The following RAB3GAP1 variants were observed in gnomAD, a reference collection of about 807,000 sequenced individuals.
RAB3GAP1 encodes RAB3 GTPase activating protein catalytic subunit 1.
RAB3GAP1 carries 86 observed loss-of-function variants against 130.7 expected under a neutral mutation model. The observed-to-expected ratio is 0.66, with a 90% CI of 0.55 to 0.79. The LOEUF is 0.79. Among genes scored for constraint, RAB3GAP1 ranks in the 30% least tolerant of loss-of-function variants. RAB3GAP1 has a pLI of 0.00. For synonymous variants in RAB3GAP1, 367 were observed against 401.7 expected (o/e 0.91, Z 1.03); for missense variants, 1,029 against 1,169.4 (o/e 0.88, Z 1.75).
intron 3 of RAB3GAP1, among the ~76,000 whole-genome samples, chr2:135,088,891 T>C (rs1278983116): frequency 1.3e-5 from 2 of 152,160 alleles, no homozygotes; most frequent in Non-Finnish European, 2.9e-5. Flanking sequence ...TTTCTTTTGC[T>C]GTGCAGAAGC....
rs554797582 is a variant in RAB3GAP1 at position 135,066,234 on chromosome 2, T to A, written c.150+8148T>A. On this transcript the variant is annotated intron_variant, in intron 3 of 23. Coordinates refer to ENST00000264158, the MANE Select transcript of RAB3GAP1 (RefSeq NM_012233.3). ...TGCATTTGGTCTCTCTCCAGAGCAT[T>A]GAAAAATGGTGTTTTTGTCCAGATT... is the stretch of plus-strand genomic sequence containing the variant. 9.0e-4 allele frequency among the ~76,000 whole-genome samples: 137 copies of A among 152,274 alleles called. 1 individual carries two copies. The highest frequency in any genetic ancestry group is 3.0e-3 in the African/African-American group (123 of 41,570).
chr2:135,162,418 T>C (rs1264694099), intron 19 of RAB3GAP1, 137 bp from the exon 20 acceptor site: 3 of 715,000 alleles, frequency 4.2e-6, no homozygotes, highest in Admixed American at 2.0e-5. Flanking sequence ...TCCTCACCTT[T>C]GGGGTCGTGG....
chr2:135,119,102 T>C (rs1218812061), intron 7 of RAB3GAP1, among the ~76,000 whole-genome samples: 1 of 137,532 alleles, frequency 7.3e-6, no homozygotes, highest in Admixed American at 7.2e-5. Flanking sequence ...CTCCCTTCCT[T>C]CCTTCCTTCT....
chr2:135,077,833 C>CTATGTTCT (rs1689673604), intron 3 of RAB3GAP1, among the ~76,000 whole-genome samples: 2 of 152,092 alleles, frequency 1.3e-5, no homozygotes, highest in Admixed American at 1.3e-4. Context: ...TTCTTATTGC[C>CTATGTTCT]TATTTGTCTA....
intron 3 of RAB3GAP1, among the ~76,000 whole-genome samples, chr2:135,069,814 T>G (rs1396955395): frequency 1.3e-5 from 2 of 152,194 alleles, no homozygotes; most frequent in Non-Finnish European, 2.9e-5. Flanking sequence ...TCCAGATTAT[T>G]AAACCCTTTT....
At chr2:135,146,921 T>G (rs1221510077) in intron 17 of RAB3GAP1, among the ~76,000 whole-genome samples, 1 of 151,838 alleles carries the variant, frequency 6.6e-6, no homozygotes, top group Non-Finnish European at 1.5e-5. Flanking sequence ...ATTTCTGAGG[T>G]GATGAATACA....
intron 8 of RAB3GAP1, among the ~76,000 whole-genome samples, chr2:135,121,400 A>C (rs1184732979): frequency 6.6e-6 from 1 of 152,220 alleles, no homozygotes; most frequent in Non-Finnish European, 1.5e-5. Context: ...TATGTTATAG[A>C]AATATAATCA....
At chr2:135,122,116 T>G (rs1392398404) in intron 8 of RAB3GAP1, among the ~76,000 whole-genome samples, 1 of 151,924 alleles carries the variant, frequency 6.6e-6, no homozygotes, top group African/African-American at 2.4e-5. Flanking sequence ...AAAAAATTAA[T>G]GTAATATATC....
At chr2:135,132,729 G>GA (rs1211821624) in intron 13 of RAB3GAP1, among the ~76,000 whole-genome samples, 166 bp from the exon 14 acceptor site, 1 of 152,028 alleles carries the variant, frequency 6.6e-6, no homozygotes, top group Admixed American at 6.5e-5. Flanking sequence ...AAGAAAAATA[G>GA]AAAAAATTTG....
chr2:135,126,327 A>T, intron 10 of RAB3GAP1, 78 bp downstream of exon 10: 8 of 1,152,438 alleles, frequency 6.9e-6, no homozygotes, highest in Non-Finnish European at 9.0e-6. Flanking sequence ...AGTAATTTTT[A>T]TATGCATTTT....
At chr2:135,124,096 A>G in intron 8 of RAB3GAP1, 69 bp from the exon 9 acceptor site, 1 of 1,452,120 alleles carries the variant, frequency 6.9e-7, no homozygotes, top group East Asian at 2.3e-5. Context: ...TGATATTCCA[A>G]AGGGCTTAAC....
chr2:135,115,586 G>A (rs942379300), intron 7 of RAB3GAP1, among the ~76,000 whole-genome samples: 2 of 152,122 alleles, frequency 1.3e-5, no homozygotes, highest in Non-Finnish European at 2.9e-5. Flanking sequence ...TCATGCTAAA[G>A]CAACAACTGA....
intron 3 of RAB3GAP1, among the ~76,000 whole-genome samples, chr2:135,085,094 G>A (rs991252816): frequency 6.6e-6 from 1 of 152,138 alleles, no homozygotes; most frequent in African/African-American, 2.4e-5. Flanking sequence ...AAGATGGAAG[G>A]TAGCTGTAGG....
rs372545632 is a variant in RAB3GAP1, at chr2:135,131,258, G to A, written c.1236+537G>A. On this transcript the variant is annotated intron_variant, in intron 13 of 23. Coordinates refer to ENST00000264158, the MANE Select transcript of RAB3GAP1 (RefSeq NM_012233.3). ...TTTATTTTTTTTGAGACGAAGTCTC[G>A]CTCTGTCACCCAGACTGGAGTGCAG... Among the ~76,000 whole-genome samples, 29 of 151,974 alleles carry A rather than the reference G, an allele frequency of 1.9e-4. No individual in the cohort carries two copies. In the East Asian group the frequency reaches 5.4e-3, roughly 28 times the overall value.
chr2:135,143,480 T>A (rs1223021840), intron 17 of RAB3GAP1, among the ~76,000 whole-genome samples: 1 of 152,122 alleles, frequency 6.6e-6, no homozygotes, highest in African/African-American at 2.4e-5. Context: ...TCCTTAGAAC[T>A]AATCTGCTAT....
intron 5 of RAB3GAP1, among the ~76,000 whole-genome samples, chr2:135,109,872 G>T (rs533770180): frequency 6.6e-6 from 1 of 151,936 alleles, no homozygotes; most frequent in African/African-American, 2.4e-5. Flanking sequence ...GTGAGCCACC[G>T]CTCCCGGCCT....
At chr2:135,080,041 C>T (rs578220160) in intron 3 of RAB3GAP1, among the ~76,000 whole-genome samples, 42 of 147,158 alleles carry the variant, frequency 2.9e-4, no homozygotes, top group Admixed American at 1.5e-3. Flanking sequence ...GGCGTGAACC[C>T]GGAAGGCGGA....
chr2:135,102,993 C>T (rs1188516052), intron 5 of RAB3GAP1, among the ~76,000 whole-genome samples: 1 of 115,520 alleles, frequency 8.7e-6, no homozygotes, highest in Non-Finnish European at 1.6e-5. Flanking sequence ...GGCGACAGTG[C>T]GAGACTCCGT....
rs587780426 is a variant in RAB3GAP1, at chr2:135,150,452, C to A, written c.2007C>A (p.His669Gln). ...TAGGTACATCGGCAGAGGGGGCTCA[C>A]CTTCGAGCACGCATGCAGAGTGCCT... Reference protein sequence around the residue: ...AKLGTSAEGAHLRARMQSACL... With the variant: ...AKLGTSAEGAQLRARMQSACL... Residue 669 changes from histidine to glutamine, a missense_variant, in exon 18 of 24, where the codon CAC becomes CAA. Physicochemically the swap from His to Gln is conservative, Grantham distance 24 (BLOSUM62 0). This residue lies in a region of RAB3GAP1 where 373 missense variants were observed against 493.6 expected (regional missense o/e 0.76). Transcript: ENST00000264158. The A allele has an allele frequency of 3.0e-5, 48 of 1,614,052 alleles. No individual in the cohort carries two copies. Among genetic ancestry groups the A allele is most frequent in the Admixed American group, 1.8e-4 (11 of 60,004 alleles).
Sources: gnomAD v4.1 joint callset for allele counts (sites outside exome capture counted in the v4.1 genomes callset) on GRCh38, gnomAD v4.1.1 for gene constraint, gnomAD v4.1.1 regional missense constraint, MANE v1.5 for transcripts, NCBI Gene and HGNC (gene_info 2026-07-23, HGNC 2026-07-21) for gene names.